The following PDHX variants were observed in gnomAD, a reference collection of about 807,000 sequenced individuals.
PDHX encodes pyruvate dehydrogenase complex component X, also known as pyruvate dehydrogenase protein X component, mitochondrial.
A neutral mutation model predicts 55.3 loss-of-function variants in PDHX; 33 were observed. The ratio of observed to expected loss-of-function variants is 0.60; its 90% confidence interval spans 0.45 to 0.80. PDHX has a LOEUF of 0.80. PDHX is among the 30% of genes least tolerant of loss of function. The pLI is 0.00. For synonymous variants in PDHX, 226 were observed against 219.4 expected, an observed-to-expected ratio of 1.03 and a Z score of -0.27; for missense variants, 622 against 619.9, an observed-to-expected ratio of 1.00 and a Z score of -0.04.
Position 34,970,161 on chromosome 11 carries a change from C to T in PDHX, c.839C>T (p.Ala280Val). ...CAGGGCACATTCACTGAAATCCCCG[C>T]CAGCAATATTCGAAGAGTTATTGCC... ...NAVGTFTEIP[A>V]SNIRRVIAKR... The change falls in exon 7 of 11, where the codon GCC becomes GTC. Residue 280 changes from alanine to valine, a missense_variant. Physicochemically the swap from Ala to Val is moderately conservative, Grantham distance 64 (BLOSUM62 0). Transcript: ENST00000227868. 2 of 1,613,412 alleles carry T rather than the reference C, an allele frequency of 1.2e-6. No homozygotes were observed. The highest frequency in any genetic ancestry group is 1.7e-6 in the Non-Finnish European group (2 of 1,179,408).
In PDHX at chr11:34,984,671, T is replaced by C; in HGVS notation, c.1125T>C (p.Thr375=). ...VAVATDKGLL[T]PIIKDAAAKG... ...TGGCAACAGATAAAGGCTTACTTAC[T>C]CCAATCATAAAAGATGCTGCTGCTA... The change falls in exon 9 of 11, where the codon ACT becomes ACC. Residue 375 remains threonine (T), a synonymous_variant. Transcript: ENST00000227868. 1.2e-6 allele frequency: 2 copies of C among 1,614,066 alleles called. No individual in the cohort carries two copies. The highest frequency in any genetic ancestry group is 1.7e-6 in the Non-Finnish European group (2 of 1,179,928).
chr11:34,920,829 G>A (rs1388547668), intron 1 of PDHX, among the ~76,000 whole-genome samples: 6 of 152,150 alleles, frequency 3.9e-5, no homozygotes, highest in Non-Finnish European at 7.4e-5. Flanking sequence ...TTGTGTATAT[G>A]TGTAAAGGAG....
Position 34,995,183 on chromosome 11 carries a change from T to C in PDHX, c.*11T>C, listed in dbSNP as rs1855835690. 1 of 1,613,376 alleles carries C rather than the reference T, an allele frequency of 6.2e-7. No homozygotes were observed. The highest frequency in any genetic ancestry group is 1.3e-5 in the African/African-American group (1 of 74,902). On this transcript the variant is annotated 3_prime_UTR_variant, in exon 11 of 11. Transcript: ENST00000227868. The stretch of plus-strand genomic sequence containing the variant: ...ATCCGACTTGCCTAGTCCTCAAAGA[T>C]AAGAAGTTGGTGTTCAGCTTAGTTG...
At chr11:34,937,527 G>C (rs1854362888) in intron 2 of PDHX, among the ~76,000 whole-genome samples, 1 of 151,100 alleles carries the variant, frequency 6.6e-6, no homozygotes. Flanking sequence ...AATATGGTAA[G>C]ATTTGAAATG....
chr11:34,969,578 A>G (rs1046184811), intron 6 of PDHX, among the ~76,000 whole-genome samples: 2 of 151,956 alleles, frequency 1.3e-5, no homozygotes, highest in Non-Finnish European at 2.9e-5. Flanking sequence ...TCTTGACCTC[A>G]TGATCCACCT....
chr11:34,939,559 ACT>A (rs1184146007), intron 2 of PDHX, among the ~76,000 whole-genome samples: 1 of 150,770 alleles, frequency 6.6e-6, no homozygotes, highest in East Asian at 1.9e-4. Context: ...CAAAGAAAAA[ACT>A]CTGGCCCAGG....
chr11:34,956,708 C>A (rs1854912279), intron 3 of PDHX, among the ~76,000 whole-genome samples: 1 of 151,944 alleles, frequency 6.6e-6, no homozygotes, highest in African/African-American at 2.4e-5. Flanking sequence ...GGAAGAAATG[C>A]TTTATTAACT....
At chr11:34,921,944 G>A (rs12282098) in intron 1 of PDHX, among the ~76,000 whole-genome samples, 28,748 of 152,132 alleles carry the variant, frequency 0.19, 3,892 homozygotes, top group African/African-American at 0.39. Context: ...CAGGTTTCAC[G>A]GGAGAAGAAA....
chr11:34,916,231 C>T (rs763711108), upstream of PDHX: 9 of 1,611,518 alleles, frequency 5.6e-6, no homozygotes, highest in Non-Finnish European at 6.8e-6. Context: ...CCCCTACCTG[C>T]GCGCCGCATC....
intron 6 of PDHX, among the ~76,000 whole-genome samples, chr11:34,968,480 A>G (rs1855184082): frequency 6.6e-6 from 1 of 152,208 alleles, no homozygotes; most frequent in Non-Finnish European, 1.5e-5. Context: ...AGTGAAGGAC[A>G]AGAAAGGAAT....
At chr11:34,926,079 ATTGACAT>A (rs1349248599) in intron 1 of PDHX, among the ~76,000 whole-genome samples, 1 of 152,166 alleles carries the variant, frequency 6.6e-6, no homozygotes, top group African/African-American at 2.4e-5. Context: ...GTTGTGGTCC[ATTGACAT>A]TTTCAGTCTA....
chr11:34,936,332 A>T (rs140945129), intron 2 of PDHX, among the ~76,000 whole-genome samples: 2 of 152,252 alleles, frequency 1.3e-5, no homozygotes, highest in African/African-American at 4.8e-5. Flanking sequence ...AATATGTCTG[A>T]GTTTGTTCAT....
chr11:34,989,706 C>A (rs1019867344), intron 9 of PDHX, among the ~76,000 whole-genome samples: 1 of 152,140 alleles, frequency 6.6e-6, no homozygotes, highest in Non-Finnish European at 1.5e-5. Flanking sequence ...AGGCCTTCTG[C>A]AGCTTCTGTA....
chr11:34,994,277 T>C (rs1348111084), intron 10 of PDHX, among the ~76,000 whole-genome samples: 2 of 152,210 alleles, frequency 1.3e-5, no homozygotes, highest in African/African-American at 4.8e-5. Flanking sequence ...CCGTAAGCAG[T>C]TGTGACACAA....
At chr11:34,927,579 G>A (rs1439833509) in intron 1 of PDHX, among the ~76,000 whole-genome samples, 4 of 152,018 alleles carry the variant, frequency 2.6e-5, no homozygotes, top group Admixed American at 2.0e-4. Context: ...TTTATCTTAC[G>A]ATTGTGTAAT....
chr11:34,953,050 G>C (rs908339690), intron 3 of PDHX, among the ~76,000 whole-genome samples: 7 of 152,020 alleles, frequency 4.6e-5, no homozygotes, highest in African/African-American at 1.7e-4. Flanking sequence ...ACCAATAACA[G>C]ACAAACAGAG....
chr11:34,974,945 C>G (rs941225353), intron 7 of PDHX, among the ~76,000 whole-genome samples: 1 of 152,084 alleles, frequency 6.6e-6, no homozygotes, highest in African/African-American at 2.4e-5. Flanking sequence ...TGAAATTTCT[C>G]CACATTTTTG....
intron 2 of PDHX, among the ~76,000 whole-genome samples, chr11:34,933,167 C>A (rs1385028977): frequency 6.6e-6 from 1 of 152,170 alleles, no homozygotes; most frequent in Non-Finnish European, 1.5e-5. Flanking sequence ...GGACAATATA[C>A]ATATCTTGCA....
At chr11:34,960,260 A>T (rs1316778765) in intron 4 of PDHX, among the ~76,000 whole-genome samples, 160 bp from the exon 5 acceptor site, 1 of 152,250 alleles carries the variant, frequency 6.6e-6, no homozygotes, top group Admixed American at 6.5e-5. Context: ...AAAATAAACC[A>T]AATTGGTACA....
Sources: allele counts gnomAD v4.1 joint callset (sites outside exome capture counted in the v4.1 genomes callset), GRCh38; gene constraint gnomAD v4.1.1; transcripts MANE v1.5; gene names NCBI Gene and HGNC (gene_info 2026-07-23, HGNC 2026-07-21).